Variants in HDAC9 observed in about 807,000 individuals in gnomAD.
HDAC9 encodes MEF-2 interacting transcription repressor (MITR) protein.
Under a neutral mutation model 139.4 loss-of-function variants are expected in HDAC9, and 41 were observed. The ratio of observed to expected loss-of-function variants is 0.29; its 90% CI spans 0.23 to 0.38. HDAC9 has a LOEUF of 0.38. Among genes scored for constraint, HDAC9 ranks in the 10% least tolerant of loss-of-function variants. HDAC9 has a pLI of 1.00. For synonymous variants in HDAC9, 517 were observed against 476.2 expected (o/e 1.09, Z -1.12); for missense variants, 1,147 against 1,297.0 (o/e 0.88, Z 1.78).
chr7:18,911,526 G>T (rs1227864951), intron 22 of HDAC9, among the ~76,000 whole-genome samples: 1 of 150,956 alleles, frequency 6.6e-6, no homozygotes, highest in Non-Finnish European at 1.5e-5. Flanking sequence ...TTTCTTCTCT[G>T]AAACATTATT....
chr7:18,609,939 C>T (rs1435420680), intron 6 of HDAC9, among the ~76,000 whole-genome samples: 1 of 152,094 alleles, frequency 6.6e-6, no homozygotes, highest in Non-Finnish European at 1.5e-5. Flanking sequence ...TCATCCATGT[C>T]CCTACAAAGG....
At chr7:18,605,728 T>C (rs1006185296) in intron 6 of HDAC9, among the ~76,000 whole-genome samples, 3 of 152,092 alleles carry the variant, frequency 2.0e-5, no homozygotes, top group Non-Finnish European at 4.4e-5. Flanking sequence ...TCGCCCAGGC[T>C]GGAATGCAGT....
chr7:18,522,577 AAGC>A (rs1805403593), intron 2 of HDAC9, among the ~76,000 whole-genome samples: 1 of 152,024 alleles, frequency 6.6e-6, no homozygotes, highest in Non-Finnish European at 1.5e-5. Flanking sequence ...GAAAAAAAAA[AAGC>A]AGGGTGGTTT....
chr7:18,933,200 G>C (rs1196212301), intron 22 of HDAC9, among the ~76,000 whole-genome samples: 1 of 152,174 alleles, frequency 6.6e-6, no homozygotes, highest in Non-Finnish European at 1.5e-5. Flanking sequence ...TCTGAGATCA[G>C]CTTGCCAGCA....
chr7:18,152,249 C>A (rs1292202363), intron 1 of HDAC9, among the ~76,000 whole-genome samples: 2 of 152,114 alleles, frequency 1.3e-5, no homozygotes, highest in Admixed American at 6.5e-5. Context: ...TATCACTCAT[C>A]CCTAGTGACC....
chr7:18,390,335 G>A (rs1457286709), intron 1 of HDAC9, among the ~76,000 whole-genome samples: 1 of 152,096 alleles, frequency 6.6e-6, no homozygotes, highest in Non-Finnish European at 1.5e-5. Flanking sequence ...CTGCTCTTAG[G>A]TTTTTCAGAA....
intron 1 of HDAC9, among the ~76,000 whole-genome samples, chr7:18,470,381 C>T (rs1478599226): frequency 2.0e-5 from 3 of 151,798 alleles, no homozygotes; most frequent in Non-Finnish European, 4.4e-5. Context: ...TAATTTGTAA[C>T]GATAATTTCA....
upstream of HDAC9, among the ~76,000 whole-genome samples, chr7:18,491,753 C>T (rs1796384196): frequency 6.6e-6 from 1 of 151,918 alleles, no homozygotes; most frequent in Non-Finnish European, 1.5e-5. Context: ...GAGAAGCCTG[C>T]CCTAGTTCTC....
intron 8 of HDAC9, among the ~76,000 whole-genome samples, chr7:18,642,236 A>G (rs1381290857): frequency 1.3e-5 from 2 of 150,220 alleles, no homozygotes; most frequent in Non-Finnish European, 2.9e-5. Flanking sequence ...TGACATTTAT[A>G]AAGTCACCGG....
intron 17 of HDAC9, among the ~76,000 whole-genome samples, chr7:18,809,949 G>A (rs978217705): frequency 1.6e-4 from 24 of 151,888 alleles, no homozygotes; most frequent in Admixed American, 1.6e-3. Flanking sequence ...CTCACAATAG[G>A]CAAGATACGG....
chr7:18,374,153 C>G (rs553523000), intron 1 of HDAC9, among the ~76,000 whole-genome samples: 1 of 149,028 alleles, frequency 6.7e-6, no homozygotes, highest in South Asian at 2.1e-4. Context: ...ATCATATATA[C>G]TAGATATATG....
chr7:18,180,226 T>TACACAATACACACAC (rs1789293829), intron 2 of HDAC9, among the ~76,000 whole-genome samples: 3 of 120,612 alleles, frequency 2.5e-5, no homozygotes, highest in African/African-American at 3.6e-5. Flanking sequence ...CCAAGACACA[T>TACACAATACACACAC]ACACACACAC....
chr7:18,656,104 T>C (rs1018434026), intron 11 of HDAC9, among the ~76,000 whole-genome samples: 8 of 151,986 alleles, frequency 5.3e-5, no homozygotes, highest in Non-Finnish European at 1.0e-4. Flanking sequence ...TAGTTCTTTT[T>C]TCCTGTATCT....
intron 2 of HDAC9, among the ~76,000 whole-genome samples, chr7:18,257,963 A>G: frequency 6.6e-6 from 1 of 152,274 alleles, no homozygotes; most frequent in African/African-American, 2.4e-5. Flanking sequence ...GCCTCGTTAG[A>G]AAGGCAGACT....
chr7:18,583,476 T>G (rs1326690818), intron 2 of HDAC9, among the ~76,000 whole-genome samples: 1 of 151,920 alleles, frequency 6.6e-6, no homozygotes, highest in African/African-American at 2.4e-5. Flanking sequence ...ATCTCAGAAC[T>G]TGGGAGCTCA....
chr7:18,490,827 AC>A (rs1796309302), upstream of HDAC9, among the ~76,000 whole-genome samples: 1 of 150,214 alleles, frequency 6.7e-6, no homozygotes, highest in Non-Finnish European at 1.5e-5. Context: ...AGAAGAGGTA[AC>A]ATCAATGAGT....
intron 1 of HDAC9, among the ~76,000 whole-genome samples, chr7:18,310,840 ACACACACACTCT>A (rs1439308068): frequency 6.8e-6 from 1 of 147,074 alleles, no homozygotes; most frequent in East Asian, 1.9e-4. Context: ...ACACACACAC[ACACACACACTCT>A]CTTACTAAAT....
intron 21 of HDAC9, among the ~76,000 whole-genome samples, chr7:18,838,872 AT>A (rs1217240824): frequency 6.6e-6 from 1 of 151,962 alleles, no homozygotes; most frequent in Non-Finnish European, 1.5e-5. Context: ...ATCGCTGCTT[AT>A]TTTACTAGCC....
Position 18,666,789 on chromosome 7 carries a change from G to C in HDAC9, c.1731+313G>C, listed in dbSNP as rs1269957870. The stretch of plus-strand genomic sequence containing the variant: ...AGGCTTTAAATTTATCCCAAAGCCT[G>C]CTACACCAATTACTTCTAAAGAAAA... On this transcript the variant is annotated intron_variant, in intron 12 of 25. Coordinates refer to ENST00000686413, the MANE Select transcript of HDAC9 (RefSeq NM_178425.4). The C allele has an allele frequency of 2.7e-6, 3 of 1,130,304 alleles. No individual in the cohort carries two copies. The East Asian group carries it at 1.5e-4, about 56-fold the overall frequency. The allele number at this position is 1,130,304 out of a possible 1,614,324, so 70.0% of individuals were successfully genotyped here. A position where few individuals can be genotyped will look rare whatever the true frequency, so the allele number is the denominator to read the frequency against.
Sources: gnomAD v4.1 joint callset for allele counts (sites outside exome capture counted in the v4.1 genomes callset) on GRCh38, gnomAD v4.1.1 for gene constraint, MANE v1.5 for transcripts, NCBI Gene and HGNC (gene_info 2026-07-23, HGNC 2026-07-21) for gene names.